The following DERL1 variants were observed in gnomAD, a reference collection of about 807,000 sequenced individuals.
DERL1 encodes the protein derlin 1, also known as derlin-1.
DERL1 carries 24 observed loss-of-function variants against 41.6 expected under a neutral mutation model. That is an observed-to-expected ratio of 0.58 (90% confidence interval 0.42 to 0.81). DERL1 has a LOEUF of 0.81. DERL1 is among the 30% of genes least tolerant of loss of function. DERL1 has a pLI of 0.00. For synonymous variants in DERL1, 124 were observed against 112.5 expected (o/e 1.10, Z -0.65); for missense variants, 260 against 314.3 (o/e 0.83, Z 1.31).
At chr8:123,017,384 A>G (rs559677623) in intron 7 of DERL1, 3 of 152,338 alleles carry the variant, frequency 2.0e-5, no homozygotes, top group Admixed American at 2.0e-4. Flanking sequence ...ACATAATAAA[A>G]TAGAACACTT....
chr8:123,018,011 A>G (rs1289481256), intron 7 of DERL1: 3 of 152,232 alleles, frequency 2.0e-5, no homozygotes, highest in Non-Finnish European at 1.5e-5. Flanking sequence ...ATCTCTGTAT[A>G]TTACAGTTCA....
chr8:123,019,416 G>T, intron 6 of DERL1, 111 bp from the exon 7 acceptor site: 1 of 703,182 alleles, frequency 1.4e-6, no homozygotes, highest in South Asian at 1.8e-5. Context: ...TAGTCCCTGG[G>T]AGTCTGTGAG....
chr8:123,029,886 C>G (rs1333360255), intron 2 of DERL1, among the ~76,000 whole-genome samples: 1 of 151,924 alleles, frequency 6.6e-6, no homozygotes, highest in Non-Finnish European at 1.5e-5. Flanking sequence ...AGGGTAAAAC[C>G]CCATCTCTAC....
At chr8:123,019,046 C>T (rs1814684086) in intron 7 of DERL1, 149 bp downstream of exon 7, 2 of 674,576 alleles carry the variant, frequency 3.0e-6, no homozygotes, top group African/African-American at 3.7e-5. Flanking sequence ...CTTCCTGTGA[C>T]TGTGTGACTA....
chr8:123,030,127 T>C (rs1426189911), intron 2 of DERL1: 1 of 152,278 alleles, frequency 6.6e-6, no homozygotes, highest in African/African-American at 2.4e-5. Flanking sequence ...CCATATATTA[T>C]TAAATCTTGG....
At position 123,042,006 on chromosome 8, in the gene DERL1, G is replaced by A. The variant is rs1339215449; in HGVS notation, c.117C>T (p.Leu39=). 1 of 1,613,844 alleles carries A rather than the reference G, an allele frequency of 6.2e-7. No homozygotes were observed. The highest frequency in any genetic ancestry group is 8.5e-7 in the Non-Finnish European group (1 of 1,179,872). ...AAAGGAAGGCTTCGGGCCAGAGGAA[G>A]AGGTAGGCCGGGCTGATGAGGCCGA... The part of the protein sequence containing the change: ...GKLGLISPAY[L]FLWPEAFLYR... Residue 39 remains leucine, a synonymous_variant, in exon 1 of 8, where the codon CTC becomes CTT. Coordinates refer to ENST00000259512, the MANE Select transcript of DERL1 (RefSeq NM_024295.6).
rs1814494265 is a variant in DERL1, at chr8:123,014,271, A to AT, written c.*1175dup. The stretch of plus-strand genomic sequence containing the variant: ...AGAGCTTGTACATTCATGACTCAAA[A>AT]TAACACACCCTCAAACCCAAATGAT... On this transcript the variant is annotated 3_prime_UTR_variant, in exon 8 of 8. Coordinates refer to ENST00000259512, the MANE Select transcript of DERL1 (RefSeq NM_024295.6). 1 of 152,674 alleles carries AT rather than the reference A, an allele frequency of 6.5e-6. No individual in the cohort carries two copies. The highest frequency in any genetic ancestry group is 1.5e-5 in the Non-Finnish European group (1 of 68,050). The allele number at this position is 152,674 out of a possible 1,614,324, so 9.5% of individuals were successfully genotyped here.
At chr8:123,035,251 C>T (rs1812901372) in intron 1 of DERL1, among the ~76,000 whole-genome samples, 2 of 152,190 alleles carry the variant, frequency 1.3e-5, no homozygotes, top group African/African-American at 2.4e-5. Flanking sequence ...TTGAGTTATA[C>T]TTGCTTTCAT....
chr8:123,013,877 T>C lies in DERL1; in HGVS notation c.*1570A>G, dbSNP rs544088225. The C allele has an allele frequency of 1.3e-5, 2 of 152,308 alleles. No individual in the cohort carries two copies. Among genetic ancestry groups the C allele is most frequent in the African/African-American group, 4.8e-5 (2 of 41,570 alleles). The allele number at this position is 152,308 out of a possible 1,614,324, so 9.4% of individuals were successfully genotyped here. On this transcript the variant is annotated 3_prime_UTR_variant, in exon 8 of 8. Coordinates refer to ENST00000259512, the MANE Select transcript of DERL1 (RefSeq NM_024295.6). Reference sequence around the variant, plus strand: ...CAGACTCTCCCCACCTATTTTATCATATAAATTAAATATGGAGAGGTACAC... The same window carrying C: ...CAGACTCTCCCCACCTATTTTATCACATAAATTAAATATGGAGAGGTACAC...
rs1224744298 is a variant in DERL1, at chr8:123,014,866, G to GA, written c.*580dup. The GA allele has an allele frequency of 1.3e-5, 2 of 152,236 alleles. No homozygotes were observed. Among genetic ancestry groups the GA allele is most frequent in the African/African-American group, 4.8e-5 (2 of 41,470 alleles). 9.4% of individuals were successfully genotyped at this position (152,236 alleles called of 1,614,324 possible). The stretch of plus-strand genomic sequence containing the variant: ...AGGTCGAAGCAATTCCAAAAGCTGA[G>GA]AAAACGCTTCATCCGCTGCTTGTCT... On this transcript the variant is annotated 3_prime_UTR_variant, in exon 8 of 8. Transcript: ENST00000259512.
chr8:123,037,253 A>G (rs1812947172), intron 1 of DERL1, among the ~76,000 whole-genome samples: 1 of 152,222 alleles, frequency 6.6e-6, no homozygotes, highest in African/African-American at 2.4e-5. Context: ...TGTTCTACAT[A>G]CTAGAGGCAA....
intron 7 of DERL1, chr8:123,016,092 T>C (rs1278747175): frequency 6.6e-6 from 1 of 152,350 alleles, no homozygotes; most frequent in Non-Finnish European, 1.5e-5. Flanking sequence ...GCTTTCTATG[T>C]TGGAAGTATG....
rs1468222478 is a variant in DERL1, at chr8:123,013,217, T to C, written c.*2230A>G. 6.6e-6 allele frequency: 1 copy of C among 152,308 alleles called. No individual in the cohort carries two copies. The highest frequency in any genetic ancestry group is 1.9e-4 in the East Asian group (1 of 5,192). The allele number at this position is 152,308 out of a possible 1,614,324, so 9.4% of individuals were successfully genotyped here. A position where few individuals can be genotyped will look rare whatever the true frequency, so the allele number is the denominator to read the frequency against. On this transcript the variant is annotated 3_prime_UTR_variant, in exon 8 of 8. Transcript: ENST00000259512. Reference sequence around the variant, plus strand: ...AAAATGAAAACCCAGGAATTCTGCATCCAGGAATTAATCCAGCAAAAAATA... The same window carrying C: ...AAAATGAAAACCCAGGAATTCTGCACCCAGGAATTAATCCAGCAAAAAATA...
In DERL1 at chr8:123,015,375, C is replaced by T. The variant is rs116609985; in HGVS notation, c.*72G>A. Reference sequence around the variant, plus strand: ...TCAGGTCCAACAGTGTTAGCCAGAACGCAGTTGTTAAGTGCACCCAGCACT... The same window carrying T: ...TCAGGTCCAACAGTGTTAGCCAGAATGCAGTTGTTAAGTGCACCCAGCACT... On this transcript the variant is annotated 3_prime_UTR_variant, in exon 8 of 8. Coordinates refer to ENST00000259512, the MANE Select transcript of DERL1 (RefSeq NM_024295.6). 7.9e-4 allele frequency: 1,243 copies of T among 1,565,974 alleles called. 6 individuals carry two copies. In the African/African-American group the frequency reaches 0.014, roughly 18 times the overall value.
intron 1 of DERL1, among the ~76,000 whole-genome samples, chr8:123,038,689 GCCGGTTTTGA>G (rs1318554022): frequency 6.6e-6 from 1 of 152,190 alleles, no homozygotes; most frequent in African/African-American, 2.4e-5. Flanking sequence ...GGGACAACAA[GCCGGTTTTGA>G]CCAGGTCCTT....
chr8:123,037,272 T>G lies in DERL1; in HGVS notation c.153+4698A>C, dbSNP rs73711628. On this transcript the variant is annotated intron_variant, in intron 1 of 7. Coordinates refer to ENST00000259512, the MANE Select transcript of DERL1 (RefSeq NM_024295.6). ...CTACATACTAGAGGCAAGAAGTAGA[T>G]AACATATTTCCTCAATTTGAAGGTA... Among the ~76,000 whole-genome samples the G allele has an allele frequency of 9.6e-3, 1,463 of 152,322 alleles. 13 individuals carry two copies. The highest frequency in any genetic ancestry group is 0.034 in the African/African-American group (1,396 of 41,560).
chr8:123,033,898 A>G (rs549772772), intron 1 of DERL1, among the ~76,000 whole-genome samples: 4 of 152,196 alleles, frequency 2.6e-5, no homozygotes, highest in Non-Finnish European at 5.9e-5. Flanking sequence ...GCCTTCCTAA[A>G]CTTTTGGAAA....
rs1370773994 is a variant in DERL1, at chr8:123,015,454, T to C, written c.749A>G (p.Asp250Gly). 6.2e-7 allele frequency: 1 copy of C among 1,612,676 alleles called. No individual in the cohort carries two copies. The highest frequency in any genetic ancestry group is 1.7e-5 in the Admixed American group (1 of 59,832). ...HNWGQGFRLGDQ is the reference protein window; with the variant it reads ...HNWGQGFRLGGQ Reference sequence around the variant, plus strand: ...CTGCCCGAGGCCGCCCCTTCACTGGTCTCCAAGTCGAAAGCCCTGGCCCCA... The same window carrying C: ...CTGCCCGAGGCCGCCCCTTCACTGGCCTCCAAGTCGAAAGCCCTGGCCCCA... The change falls in exon 8 of 8, where the codon GAC (aspartate) becomes GGC (glycine). Residue 250 changes from aspartate (D) to glycine (G), a missense_variant. Coordinates refer to ENST00000259512, the MANE Select transcript of DERL1 (RefSeq NM_024295.6).
At chr8:123,020,640 C>G (rs950978966) in intron 6 of DERL1, among the ~76,000 whole-genome samples, 1 of 151,026 alleles carries the variant, frequency 6.6e-6, no homozygotes, top group African/African-American at 2.4e-5. Flanking sequence ...GATATTTGAC[C>G]CTGGTTGGCC....
Sources: gnomAD v4.1 joint callset for allele counts (sites outside exome capture counted in the v4.1 genomes callset) on GRCh38, gnomAD v4.1.1 for gene constraint, MANE v1.5 for transcripts, NCBI Gene and HGNC (gene_info 2026-07-23, HGNC 2026-07-21) for gene names.